The following RBMS3 variants were observed in gnomAD, a reference collection of about 807,000 sequenced individuals.
RBMS3 encodes the protein RNA-binding motif, single-stranded-interacting protein 3.
Under a neutral mutation model 66.8 loss-of-function variants are expected in RBMS3, and 27 were observed. The observed-to-expected ratio is 0.40, with a 90% confidence interval of 0.30 to 0.56. RBMS3 has a LOEUF of 0.56. Among genes scored for constraint, RBMS3 ranks in the 20% least tolerant of loss-of-function variants. The probability of loss-of-function intolerance (pLI) is 0.40; values close to 1 mark genes in which losing one functional copy is unlikely to be tolerated. For missense variants in RBMS3, 513 were observed against 549.5 expected (o/e 0.93, Z 0.66); for synonymous variants, 188 against 183.0 (o/e 1.03, Z -0.22).
intron 4 of RBMS3, among the ~76,000 whole-genome samples, chr3:29,723,324 A>G (rs978726744): frequency 1.3e-5 from 2 of 152,156 alleles, no homozygotes; most frequent in African/African-American, 4.8e-5. Context: ...TAAATAAATT[A>G]TTACCATTGG....
chr3:29,621,592 A>G (rs764265766), intron 4 of RBMS3, among the ~76,000 whole-genome samples: 5 of 152,212 alleles, frequency 3.3e-5, no homozygotes, highest in Non-Finnish European at 5.9e-5. Context: ...TACTTCCATT[A>G]GTTGGAAAGG....
chr3:29,852,984 C>G (rs1354856543), intron 6 of RBMS3, among the ~76,000 whole-genome samples: 1 of 152,040 alleles, frequency 6.6e-6, no homozygotes, highest in African/African-American at 2.4e-5. Context: ...CAGCCATAAA[C>G]AAGAAAAGAT....
chr3:29,306,170 A>G (rs889682992), intron 1 of RBMS3, among the ~76,000 whole-genome samples: 1 of 151,906 alleles, frequency 6.6e-6, no homozygotes, highest in Non-Finnish European at 1.5e-5. Flanking sequence ...TCATAATTGC[A>G]TACCAATTTT....
Position 29,924,851 on chromosome 3 carries a change from A to C in RBMS3, c.940-11235A>C, listed in dbSNP as rs1279956561. On this transcript the variant is annotated intron_variant, in intron 10 of 14. Coordinates refer to ENST00000383767, the MANE Select transcript of RBMS3 (RefSeq NM_001003793.3). ...ACTCCATCTCAGGAAAAAAAGAAAA[A>C]AAAAAAAAGAGAGAGAGAGAGAACA... 4 of 153,250 alleles carry C rather than the reference A, an allele frequency of 2.6e-5. No homozygotes were observed. The Admixed American group carries it at 2.6e-4, about 10-fold the overall frequency. The allele number at this position is 153,250 out of a possible 1,614,324, so 9.5% of individuals were successfully genotyped here.
chr3:29,699,463 A>G (rs961482755), intron 4 of RBMS3, among the ~76,000 whole-genome samples: 1 of 152,188 alleles, frequency 6.6e-6, no homozygotes, highest in Non-Finnish European at 1.5e-5. Flanking sequence ...GCTATTTTCT[A>G]ATGGCTAAAA....
rs2053955207 is a variant in RBMS3, at chr3:29,727,966, A to G, written c.400-11754A>G. Among the ~76,000 whole-genome samples, 8 of 152,370 alleles carry G rather than the reference A, an allele frequency of 5.3e-5. No homozygotes were observed. In the South Asian group the frequency reaches 1.7e-3, roughly 32 times the overall value. On this transcript the variant is annotated intron_variant, in intron 4 of 14. Coordinates refer to ENST00000383767, the MANE Select transcript of RBMS3 (RefSeq NM_001003793.3). The stretch of plus-strand genomic sequence containing the variant: ...AGACTTGGAACCAACCCCAATGTCC[A>G]TCAATGATAGACTGGATAAAGAAAA...
intron 6 of RBMS3, among the ~76,000 whole-genome samples, chr3:29,789,839 A>C (rs2056943006): frequency 6.6e-6 from 1 of 152,184 alleles, no homozygotes. Flanking sequence ...GAAACTTTCA[A>C]CTTTGAATGC....
At chr3:29,789,240 G>T (rs999272600) in intron 6 of RBMS3, among the ~76,000 whole-genome samples, 4 of 151,634 alleles carry the variant, frequency 2.6e-5, no homozygotes, top group Admixed American at 6.6e-5. Flanking sequence ...CATAATGAAT[G>T]GTGATAGACG....
At chr3:29,546,847 A>G (rs2045971152) in intron 3 of RBMS3, among the ~76,000 whole-genome samples, 2 of 152,202 alleles carry the variant, frequency 1.3e-5, no homozygotes, top group South Asian at 4.1e-4. Context: ...ATAGTTGATG[A>G]CAGCAAGTCT....
intron 6 of RBMS3, among the ~76,000 whole-genome samples, chr3:29,820,450 T>C (rs971326001): frequency 5.3e-5 from 8 of 151,978 alleles, no homozygotes; most frequent in Admixed American, 4.6e-4. Context: ...ATAGATTCCA[T>C]GTTAATTTTT....
chr3:29,373,309 C>A (rs567830947), intron 1 of RBMS3, among the ~76,000 whole-genome samples: 1 of 152,288 alleles, frequency 6.6e-6, no homozygotes, highest in East Asian at 1.9e-4. Context: ...AAAAAAGATA[C>A]TATTTGGTCA....
chr3:29,672,135 C>T (rs961584001), intron 4 of RBMS3, among the ~76,000 whole-genome samples: 4 of 152,136 alleles, frequency 2.6e-5, no homozygotes, highest in Non-Finnish European at 5.9e-5. Flanking sequence ...CGATATTCAA[C>T]ATTCTTAAAG....
At position 29,919,542 on chromosome 3, in the gene RBMS3, T is replaced by C. The variant is rs114836512; in HGVS notation, c.940-16544T>C. Among the ~76,000 whole-genome samples the C allele has an allele frequency of 1.8e-3, 268 of 152,330 alleles. 1 individual carries two copies. The highest frequency in any genetic ancestry group is 5.7e-3 in the African/African-American group (238 of 41,584). ...ATTGCTCCATTTGCTAATCCCAGTT[T>C]CAATTTTTGTCAGCTGTCCCTCTAT... On this transcript the variant is annotated intron_variant, in intron 10 of 14. Transcript: ENST00000383767.
intron 10 of RBMS3, among the ~76,000 whole-genome samples, chr3:29,934,604 C>T (rs940802140): frequency 2.0e-5 from 3 of 152,078 alleles, no homozygotes; most frequent in African/African-American, 7.2e-5. Context: ...TGACAATGCA[C>T]AGAAGCATCG....
chr3:29,628,757 C>A (rs541027997), intron 4 of RBMS3, among the ~76,000 whole-genome samples: 12 of 152,114 alleles, frequency 7.9e-5, no homozygotes, highest in Admixed American at 3.3e-4. Flanking sequence ...CATATAGTTC[C>A]TTTAGATTTA....
chr3:29,884,192 G>A lies in RBMS3; in HGVS notation c.775G>A (p.Ala259Thr). Residue 259 changes from alanine (A) to threonine (T), a missense_variant, in exon 8 of 15, where the codon GCT becomes ACT. By Grantham distance (58) the Ala-to-Thr change is moderately conservative. Transcript: ENST00000383767. ...CATGGCTTTGACCTATGACCCCACA[G>A]CTGCCATACAGAATGGGTAAGTAGA... The part of the protein sequence containing the change: ...AGMALTYDPT[A>T]AIQNGFYSSP... 1 of 1,611,510 alleles carries A rather than the reference G, an allele frequency of 6.2e-7. No homozygotes were observed.
In RBMS3 at chr3:29,915,426, G is replaced by A. The variant is rs557730595; in HGVS notation, c.939+15671G>A. Among the ~76,000 whole-genome samples, 7 of 152,010 alleles carry A rather than the reference G, an allele frequency of 4.6e-5. No individual in the cohort carries two copies. In the East Asian group the frequency reaches 1.4e-3, roughly 29 times the overall value. On this transcript the variant is annotated intron_variant, in intron 10 of 14. Coordinates refer to ENST00000383767, the MANE Select transcript of RBMS3 (RefSeq NM_001003793.3). ...TTACTGAAGACCATCATGTTTTCCT[G>A]TGGGGTTTTTCCATGCCCTGAATAT...
At chr3:29,749,605 C>A (rs1328824234) in intron 5 of RBMS3, among the ~76,000 whole-genome samples, 1 of 152,122 alleles carries the variant, frequency 6.6e-6, no homozygotes, top group Non-Finnish European at 1.5e-5. Context: ...TGGGTAAAGT[C>A]CTCTCTTCTT....
intron 6 of RBMS3, among the ~76,000 whole-genome samples, chr3:29,778,658 C>G (rs2056511317): frequency 6.6e-6 from 1 of 151,808 alleles, no homozygotes; most frequent in Non-Finnish European, 1.5e-5. Context: ...GGATTTAATT[C>G]TGTCACCTTA....
Sources: gnomAD v4.1 joint callset for allele counts (sites outside exome capture counted in the v4.1 genomes callset) on GRCh38, gnomAD v4.1.1 for gene constraint, MANE v1.5 for transcripts, NCBI Gene and HGNC (gene_info 2026-07-23, HGNC 2026-07-21) for gene names.